Variants in ADGRB1 observed in about 807,000 individuals in gnomAD.
The protein encoded by ADGRB1 is adhesion G protein-coupled receptor B1.
A neutral mutation model predicts 175.7 loss-of-function variants in ADGRB1; 36 were observed. That is an observed-to-expected ratio of 0.20 (90% confidence interval 0.16 to 0.27). The LOEUF is 0.27. ADGRB1 is among the 10% of genes least tolerant of loss of function. The pLI is 1.00. For synonymous variants in ADGRB1, 1,054 were observed against 979.4 expected (o/e 1.08, Z -1.42); for missense variants, 1,731 against 2,255.3 (o/e 0.77, Z 4.71).
At chr8:142,513,923 G>A (rs890778380) in intron 18 of ADGRB1, among the ~76,000 whole-genome samples, 5 of 152,092 alleles carry the variant, frequency 3.3e-5, no homozygotes, top group African/African-American at 7.2e-5. Flanking sequence ...CTCCAGGGGC[G>A]TGAGGAGCCG....
chr8:142,490,901 A>G lies in ADGRB1; in HGVS notation c.2675+86A>G, dbSNP rs1449221243. 8.7e-6 allele frequency: 13 copies of G among 1,489,822 alleles called. No homozygotes were observed. The Admixed American group carries it at 2.6e-4, about 29-fold the overall frequency. 92.3% of individuals were successfully genotyped at this position (1,489,822 alleles called of 1,614,324 possible). ...CCAGTAGGGGAGGGGTGCAGGTTTC[A>G]GGTCTTGTCCACTTGCCCCCCAGCT... On this transcript the variant is annotated intron_variant, in intron 17 of 30. Transcript: ENST00000517894.
chr8:142,475,366 C>T (rs1234303801), intron 2 of ADGRB1, 108 bp from the exon 3 acceptor site: 7 of 1,134,166 alleles, frequency 6.2e-6, no homozygotes, highest in Non-Finnish European at 6.7e-6. Flanking sequence ...GCACTGCGGC[C>T]CCTCCCCACC....
At chr8:142,500,459 C>T (rs1473077949) in intron 17 of ADGRB1, among the ~76,000 whole-genome samples, 1 of 147,554 alleles carries the variant, frequency 6.8e-6, no homozygotes, top group Non-Finnish European at 1.5e-5. Flanking sequence ...GAGCTCCTCT[C>T]AGTCATGCCT....
At chr8:142,494,801 C>A (rs1032040960) in intron 17 of ADGRB1, among the ~76,000 whole-genome samples, 2 of 151,892 alleles carry the variant, frequency 1.3e-5, no homozygotes, top group African/African-American at 2.4e-5. Flanking sequence ...CCTGCTCCCC[C>A]ACACCCCTGC....
chr8:142,471,179 C>T (rs1444486864), intron 2 of ADGRB1, among the ~76,000 whole-genome samples: 1 of 152,176 alleles, frequency 6.6e-6, no homozygotes, highest in Non-Finnish European at 1.5e-5. Flanking sequence ...CTTCAGTCCC[C>T]ATCACAGACA....
At chr8:142,481,466 C>G in intron 10 of ADGRB1, 51 bp from the exon 11 acceptor site, 1 of 1,579,232 alleles carries the variant, frequency 6.3e-7, no homozygotes, top group Non-Finnish European at 8.6e-7. Context: ...GGGTGGCTGC[C>G]TGGACATGTT....
At position 142,544,516 on chromosome 8, in the gene ADGRB1, C is replaced by A; in HGVS notation, c.*99C>A. 7.6e-7 allele frequency: 1 copy of A among 1,317,384 alleles called. No individual in the cohort carries two copies. The highest frequency in any genetic ancestry group is 9.8e-7 in the Non-Finnish European group (1 of 1,018,942). The allele number at this position is 1,317,384 out of a possible 1,614,324, so 81.6% of individuals were successfully genotyped here. On this transcript the variant is annotated 3_prime_UTR_variant, in exon 31 of 31. Coordinates refer to ENST00000517894, the MANE Select transcript of ADGRB1 (RefSeq NM_001702.3). Reference sequence around the variant, plus strand: ...ACAGACACGCTCGCGGGCAGCGGGCCAGGCCCGCACCCCGGCCTCAGGGCG... The same window carrying A: ...ACAGACACGCTCGCGGGCAGCGGGCAAGGCCCGCACCCCGGCCTCAGGGCG...
intron 9 of ADGRB1, 130 bp downstream of exon 9, chr8:142,479,924 C>G: frequency 9.5e-7 from 1 of 1,048,280 alleles, no homozygotes. Context: ...TGTGCTGGCG[C>G]GGGGTGGTGG....
chr8:142,465,080 A>G (rs1840194072), intron 2 of ADGRB1, 98 bp downstream of exon 2: 6 of 565,292 alleles, frequency 1.1e-5, no homozygotes, highest in Non-Finnish European at 1.5e-5. Context: ...GTGGGCGGAC[A>G]GAGGAGGTGG....
intron 24 of ADGRB1, among the ~76,000 whole-genome samples, chr8:142,530,642 G>A (rs1844568649): frequency 6.6e-6 from 1 of 152,206 alleles, no homozygotes; most frequent in South Asian, 2.1e-4. Context: ...GTCCACACTG[G>A]CCTGCCAGGC....
intron 17 of ADGRB1, among the ~76,000 whole-genome samples, chr8:142,499,166 A>G (rs1482182171): frequency 6.6e-6 from 1 of 152,148 alleles, no homozygotes; most frequent in African/African-American, 2.4e-5. Flanking sequence ...GGCAGTTGGG[A>G]GGGGCAGAGC....
rs1456571014 is a variant in ADGRB1 at position 142,510,225 on chromosome 8, G to C, written c.2676-707G>C. On this transcript the variant is annotated intron_variant, in intron 17 of 30. Transcript: ENST00000517894. The surrounding 1 kb of genome is among the most constrained non-coding windows in gnomAD (Gnocchi z 6.3). ...TTAAATGCGTGCTCAGATGAAAAGCGGGGCAGTCGCGGCCCGTAGACAGCG... is the reference window on the plus strand; with the variant it reads ...TTAAATGCGTGCTCAGATGAAAAGCCGGGCAGTCGCGGCCCGTAGACAGCG... Among the ~76,000 whole-genome samples, 1 of 152,138 alleles carries C rather than the reference G, an allele frequency of 6.6e-6. No individual in the cohort carries two copies. Among genetic ancestry groups the C allele is most frequent in the East Asian group, 1.9e-4 (1 of 5,172 alleles).
intron 2 of ADGRB1, 64 bp downstream of exon 2, chr8:142,465,046 AG>A (rs1223186100): frequency 4.4e-5 from 12 of 274,262 alleles, no homozygotes; most frequent in Non-Finnish European, 5.7e-5. Context: ...GCGGGCAGAC[AG>A]GGGAGGCGGG....
intron 24 of ADGRB1, among the ~76,000 whole-genome samples, chr8:142,531,655 G>C (rs1209420538): frequency 6.6e-6 from 1 of 152,216 alleles, no homozygotes; most frequent in African/African-American, 2.4e-5. Flanking sequence ...GGCCATGCAG[G>C]ACCAGGCCCT....
chr8:142,469,436 A>T (rs1194138488), intron 2 of ADGRB1, among the ~76,000 whole-genome samples: 2 of 124,734 alleles, frequency 1.6e-5, no homozygotes, highest in African/African-American at 3.3e-5. Flanking sequence ...CGTGTGAATG[A>T]GTGTGTGCAC....
At chr8:142,462,025 G>A (rs1454221572) in intron 1 of ADGRB1, among the ~76,000 whole-genome samples, 2 of 152,118 alleles carry the variant, frequency 1.3e-5, no homozygotes, top group East Asian at 3.9e-4. Flanking sequence ...GGGCGCCCAG[G>A]ACAGCCCGGC....
In ADGRB1 at chr8:142,467,825, T is replaced by C. The variant is rs78419155; in HGVS notation, c.784+2843T>C. On this transcript the variant is annotated intron_variant, in intron 2 of 30. Coordinates refer to ENST00000517894, the MANE Select transcript of ADGRB1 (RefSeq NM_001702.3). ...AGGAAGGGTAAAAATATCTTGTTTC[T>C]TAGATTGCCCTGATGAATGAGAACT... Among the ~76,000 whole-genome samples the C allele has an allele frequency of 1.1e-3, 161 of 152,342 alleles. 2 individuals carry two copies. Among genetic ancestry groups the C allele is most frequent in the African/African-American group, 3.6e-3 (150 of 41,576 alleles).
At chr8:142,503,945 C>T (rs183755181) in intron 17 of ADGRB1, among the ~76,000 whole-genome samples, 15 of 152,098 alleles carry the variant, frequency 9.9e-5, no homozygotes, top group Admixed American at 4.6e-4. Context: ...GTGGACCTGT[C>T]GGTGCTGAGG....
chr8:142,512,080 G>C (rs1029166538), intron 18 of ADGRB1, among the ~76,000 whole-genome samples: 11 of 152,248 alleles, frequency 7.2e-5, no homozygotes, highest in African/African-American at 2.2e-4. Flanking sequence ...GTTGGCAGCT[G>C]GGGTCTCCCA....
Sources: allele counts gnomAD v4.1 joint callset (sites outside exome capture counted in the v4.1 genomes callset), GRCh38; gene constraint gnomAD v4.1.1; non-coding constraint Gnocchi (gnomAD v3.1); transcripts MANE v1.5; gene names NCBI Gene and HGNC (gene_info 2026-07-23, HGNC 2026-07-21).